The following KDM2A variants were observed in gnomAD, a reference collection of about 807,000 sequenced individuals.
KDM2A encodes the protein lysine-specific demethylase 2A.
A neutral mutation model predicts 137.3 loss-of-function variants in KDM2A; 3 were observed. The observed-to-expected ratio is 0.02, with a 90% confidence interval of 0.01 to 0.06. The LOEUF (loss-of-function observed/expected upper bound fraction) is 0.06. KDM2A is among the 10% of genes least tolerant of loss of function. The pLI is 1.00. For synonymous variants in KDM2A, 512 were observed against 541.5 expected (o/e 0.95, Z 0.76); for missense variants, 738 against 1,510.6 (o/e 0.49, Z 8.48).
intron 16 of KDM2A, among the ~76,000 whole-genome samples, chr11:67,249,570 G>A (rs1005181303): frequency 2.6e-5 from 4 of 152,188 alleles, no homozygotes; most frequent in Admixed American, 2.6e-4. Flanking sequence ...GGGCTCTTGT[G>A]GGATTCCTCA....
intron 2 of KDM2A, chr11:67,149,349 A>G (rs1260499058): frequency 1.3e-5 from 2 of 152,154 alleles, no homozygotes; most frequent in Admixed American, 1.3e-4. Flanking sequence ...ATTTAATGGG[A>G]TAATGAATGT....
At chr11:67,172,795 T>C (rs1432637519) in intron 2 of KDM2A, among the ~76,000 whole-genome samples, 1 of 152,190 alleles carries the variant, frequency 6.6e-6, no homozygotes, top group African/African-American at 2.4e-5. Context: ...GAAACTTCAA[T>C]ACAGTTTTGA....
intron 5 of KDM2A, among the ~76,000 whole-genome samples, chr11:67,192,548 G>A (rs970661498): frequency 7.0e-5 from 10 of 143,576 alleles, no homozygotes; most frequent in African/African-American, 2.1e-4. Flanking sequence ...AGGTTCAAGC[G>A]ATTCTCCTGC....
intron 5 of KDM2A, among the ~76,000 whole-genome samples, 153 bp from the exon 6 acceptor site, chr11:67,207,357 T>C (rs1857834853): frequency 6.6e-6 from 1 of 152,228 alleles, no homozygotes; most frequent in Admixed American, 6.5e-5. Context: ...TCTTTGTGAT[T>C]TGATTATGAT....
chr11:67,219,243 G>A (rs1374107281), intron 9 of KDM2A, 45 bp from the exon 10 acceptor site: 6 of 933,846 alleles, frequency 6.4e-6, no homozygotes, highest in Admixed American at 2.4e-5. Context: ...GAGACTTACT[G>A]TAATGTGTGT....
Position 67,245,038 on chromosome 11 carries a change from G to A in KDM2A, c.1564-151G>A. ...ATAATACATACACAAGATGAGTTGT[G>A]TGTCAATAAAATTTATTCTAGAAAC... On this transcript the variant is annotated intron_variant, in intron 13 of 20. Transcript: ENST00000529006. This position sits in a 1 kb window ranked among gnomAD's most constrained non-coding sequence, Gnocchi z 4.1. 1.3e-6 allele frequency: 1 copy of A among 759,440 alleles called. No individual in the cohort carries two copies. Among genetic ancestry groups the A allele is most frequent in the Non-Finnish European group, 2.2e-6 (1 of 464,400 alleles). The allele number at this position is 759,440 out of a possible 1,614,324, so 47.0% of individuals were successfully genotyped here. A position where few individuals can be genotyped will look rare whatever the true frequency, so the allele number is the denominator to read the frequency against.
intron 2 of KDM2A, among the ~76,000 whole-genome samples, chr11:67,179,748 G>C (rs1259576840): frequency 6.6e-6 from 1 of 152,182 alleles, no homozygotes; most frequent in Non-Finnish European, 1.5e-5. Context: ...TATGAAGACA[G>C]TTTGTGCCCA....
intron 2 of KDM2A, among the ~76,000 whole-genome samples, chr11:67,157,783 AT>A (rs1856551733): frequency 1.3e-5 from 2 of 151,550 alleles, no homozygotes; most frequent in South Asian, 4.2e-4. Context: ...AGTGTTGTAC[AT>A]TTGTTACAAC....
At chr11:67,208,279 T>C (rs898633285) in intron 6 of KDM2A, among the ~76,000 whole-genome samples, 11 of 151,896 alleles carry the variant, frequency 7.2e-5, no homozygotes, top group African/African-American at 2.4e-4. Context: ...CACAATTTTG[T>C]CCAGGCTGAC....
intron 11 of KDM2A, among the ~76,000 whole-genome samples, chr11:67,229,081 A>C (rs1255087398): frequency 1.3e-5 from 2 of 152,308 alleles, no homozygotes; most frequent in East Asian, 1.9e-4. Flanking sequence ...AAAACTAGGA[A>C]TACATCATCA....
intron 2 of KDM2A, among the ~76,000 whole-genome samples, chr11:67,157,770 A>G (rs940560753): frequency 6.6e-6 from 1 of 150,932 alleles, no homozygotes; most frequent in Non-Finnish European, 1.5e-5. Context: ...AAAAACTTGC[A>G]TTAGTGTTGT....
Position 67,121,232 on chromosome 11 carries a change from A to G in KDM2A, c.-83-2A>G. The G allele has an allele frequency of 1.1e-6, 1 of 916,252 alleles. No homozygotes were observed. The highest frequency in any genetic ancestry group is 1.8e-6 in the Non-Finnish European group (1 of 557,660). The allele number at this position is 916,252 out of a possible 1,614,324, so 56.8% of individuals were successfully genotyped here. ...ATTTCTGCTTATATCATTATTCTTT[A>G]GTGTTGCAATCTGGTTCCTAAGGAG... On this transcript the variant is annotated splice_acceptor_variant, in intron 1 of 20. Coordinates refer to ENST00000529006, the MANE Select transcript of KDM2A (RefSeq NM_012308.3). LOFTEE classifies it low-confidence loss of function (5UTR_SPLICE).
intron 10 of KDM2A, among the ~76,000 whole-genome samples, chr11:67,219,852 A>G (rs1051542234): frequency 3.3e-5 from 5 of 152,152 alleles, no homozygotes; most frequent in Middle Eastern, 3.4e-3. Context: ...CGACTGGCCA[A>G]ATAAAAATTT....
rs557368935 is a variant in KDM2A at position 67,196,670 on chromosome 11, G to A, written c.308-10840G>A. 12 of 332,138 alleles carry A rather than the reference G, an allele frequency of 3.6e-5. No homozygotes were observed. In the East Asian group the frequency reaches 7.8e-4, roughly 21 times the overall value. The allele number at this position is 332,138 out of a possible 1,614,324, so 20.6% of individuals were successfully genotyped here. On this transcript the variant is annotated intron_variant, in intron 5 of 20. Transcript: ENST00000529006. ...ATTCCACTGACATGAAGTATATAGAGTAACCAAAATCATGGAGACAAAATA... is the reference window on the plus strand; with the variant it reads ...ATTCCACTGACATGAAGTATATAGAATAACCAAAATCATGGAGACAAAATA...
chr11:67,155,399 C>G (rs2136310895), intron 2 of KDM2A, among the ~76,000 whole-genome samples: 1 of 151,478 alleles, frequency 6.6e-6, no homozygotes, highest in Admixed American at 6.6e-5. Flanking sequence ...GCGTCATACT[C>G]CTAGGCTCAA....
intron 2 of KDM2A, among the ~76,000 whole-genome samples, chr11:67,122,267 A>G (rs1019394380): frequency 6.6e-5 from 10 of 152,194 alleles, no homozygotes; most frequent in African/African-American, 2.4e-4. Context: ...GAGAAAAAGA[A>G]TGGTTCTCGA....
intron 2 of KDM2A, among the ~76,000 whole-genome samples, chr11:67,147,384 TAAAG>T: frequency 6.6e-6 from 1 of 151,532 alleles, no homozygotes; most frequent in Middle Eastern, 3.4e-3. Context: ...CTACTAAAAA[TAAAG>T]AAAATTAGCC....
At chr11:67,129,961 C>T (rs1317151350) in intron 2 of KDM2A, among the ~76,000 whole-genome samples, 7 of 141,826 alleles carry the variant, frequency 4.9e-5, no homozygotes, top group Non-Finnish European at 1.1e-4. Flanking sequence ...CTCTCCTATT[C>T]TTTTTTTTTT....
intron 2 of KDM2A, among the ~76,000 whole-genome samples, chr11:67,147,268 T>G (rs546058668): frequency 6.6e-6 from 1 of 152,062 alleles, no homozygotes; most frequent in African/African-American, 2.4e-5. Flanking sequence ...CTGGGCCGGG[T>G]GCGGTGGCTC....
Sources: gnomAD v4.1 joint callset for allele counts (sites outside exome capture counted in the v4.1 genomes callset) on GRCh38, gnomAD v4.1.1 for gene constraint, Gnocchi (gnomAD v3.1) non-coding constraint, MANE v1.5 for transcripts, NCBI Gene and HGNC (gene_info 2026-07-23, HGNC 2026-07-21) for gene names.